FER: variants seen among roughly 807,000 people sequenced by gnomAD.
FER encodes tyrosine-protein kinase Fer.
A neutral mutation model predicts 111.0 loss-of-function variants in FER; 63 were observed. That is an observed-to-expected ratio of 0.57 (90% CI 0.46 to 0.70). The LOEUF (loss-of-function observed/expected upper bound fraction) is 0.70, where lower values mean the gene tolerates loss of function less well. FER is among the 30% of genes least tolerant of loss of function. FER has a pLI of 0.00. For synonymous variants in FER, 327 were observed against 313.9 expected, an observed-to-expected ratio of 1.04 and a Z score of -0.44; for missense variants, 914 against 954.0, an observed-to-expected ratio of 0.96 and a Z score of 0.55.
chr5:109,189,101 T>C lies in FER; in HGVS notation c.*1526T>C, dbSNP rs1274441206. On this transcript the variant is annotated 3_prime_UTR_variant, in exon 20 of 20. Transcript: ENST00000281092. ...GCTGACAGGTATGCAAGCAGAGTGC[T>C]GAAGATGTCTCATGTGAATAAAATG... The C allele has an allele frequency of 5.9e-5, 9 of 152,324 alleles. No individual in the cohort carries two copies. The highest frequency in any genetic ancestry group is 6.5e-5 in the Admixed American group (1 of 15,300). 9.4% of individuals were successfully genotyped at this position (152,324 alleles called of 1,614,324 possible).
chr5:108,919,698 T>C (rs1373986478), intron 10 of FER, among the ~76,000 whole-genome samples: 2 of 152,208 alleles, frequency 1.3e-5, no homozygotes, highest in African/African-American at 2.4e-5. Context: ...ATTAAGGAAC[T>C]TTATCAGAAT....
At chr5:108,911,083 C>T (rs1751483493) in intron 10 of FER, among the ~76,000 whole-genome samples, 1 of 152,106 alleles carries the variant, frequency 6.6e-6, no homozygotes, top group African/African-American at 2.4e-5. Flanking sequence ...TTTACATTCC[C>T]ACCAACAGTG....
intron 16 of FER, among the ~76,000 whole-genome samples, 169 bp downstream of exon 16, chr5:109,047,367 A>G (rs1271657584): frequency 1.3e-5 from 2 of 152,208 alleles, no homozygotes; most frequent in African/African-American, 4.8e-5. Context: ...ATAGGCTGTA[A>G]CACTTTACTA....
At chr5:109,075,625 G>A (rs1262259731) in intron 16 of FER, among the ~76,000 whole-genome samples, 5 of 151,618 alleles carry the variant, frequency 3.3e-5, no homozygotes, top group Non-Finnish European at 5.9e-5. Context: ...GGGTTTCACC[G>A]TGTTAGCCAG....
intron 10 of FER, among the ~76,000 whole-genome samples, chr5:108,911,139 T>C (rs537709319): frequency 6.6e-6 from 1 of 152,278 alleles, no homozygotes; most frequent in South Asian, 2.1e-4. Context: ...TCTGTTGTTT[T>C]TTGACTTTTT....
At chr5:108,861,088 A>G (rs1484070681) in intron 5 of FER, among the ~76,000 whole-genome samples, 3 of 152,220 alleles carry the variant, frequency 2.0e-5, no homozygotes, top group Non-Finnish European at 4.4e-5. Context: ...CATAGAGCCA[A>G]ACCATATTAA....
At chr5:109,183,761 T>C (rs954869007) in intron 18 of FER, among the ~76,000 whole-genome samples, 1 of 152,026 alleles carries the variant, frequency 6.6e-6, no homozygotes, top group Non-Finnish European at 1.5e-5. Flanking sequence ...CGAGACCCTG[T>C]CTCAAGAAAA....
At chr5:108,940,956 C>A (rs1313665141) in intron 10 of FER, among the ~76,000 whole-genome samples, 1 of 152,058 alleles carries the variant, frequency 6.6e-6, no homozygotes, top group African/African-American at 2.4e-5. Flanking sequence ...GGCAATGGCC[C>A]TTCAAAGACT....
chr5:109,185,795 C>T lies in FER; in HGVS notation c.2204-405C>T, dbSNP rs773003406. Reference sequence around the variant, plus strand: ...GGTAAGTTTAAATACAGTCATGTATCGCTTAATGACAGGGATACACTCTGA... The same window carrying T: ...GGTAAGTTTAAATACAGTCATGTATTGCTTAATGACAGGGATACACTCTGA... On this transcript the variant is annotated intron_variant, in intron 18 of 19. Transcript: ENST00000281092. Among the ~76,000 whole-genome samples, 6 of 152,316 alleles carry T rather than the reference C, an allele frequency of 3.9e-5. No homozygotes were observed. The East Asian group carries it at 7.7e-4, about 20-fold the overall frequency.
intron 18 of FER, among the ~76,000 whole-genome samples, chr5:109,181,603 G>C (rs77537772): frequency 0.024 from 3,600 of 152,164 alleles, 70 homozygotes; most frequent in East Asian, 0.075. Context: ...ATTGGTGAAT[G>C]GGTATGGTAT....
chr5:108,942,730 G>T (rs1211565296), intron 10 of FER, among the ~76,000 whole-genome samples: 1 of 152,080 alleles, frequency 6.6e-6, no homozygotes, highest in Non-Finnish European at 1.5e-5. Flanking sequence ...GATATTTACA[G>T]TATTTCATTT....
chr5:108,825,258 G>C lies in FER; in HGVS notation c.208-7512G>C, dbSNP rs541398355. Among the ~76,000 whole-genome samples the C allele has an allele frequency of 3.9e-5, 6 of 152,236 alleles. No individual in the cohort carries two copies. The South Asian group carries it at 1.2e-3, about 32-fold the overall frequency. ...AGCCTGGGAGCGCTATGGGAGACTG[G>C]AGTTTATTTCACCCCTGCAGTCTCA... On this transcript the variant is annotated intron_variant, in intron 3 of 19. Transcript: ENST00000281092.
chr5:108,820,923 C>G lies in FER; in HGVS notation c.208-11847C>G, dbSNP rs988779841. Among the ~76,000 whole-genome samples, 5 of 152,110 alleles carry G rather than the reference C, an allele frequency of 3.3e-5. No homozygotes were observed. The South Asian group carries it at 1.0e-3, about 32-fold the overall frequency. On this transcript the variant is annotated intron_variant, in intron 3 of 19. Transcript: ENST00000281092. ...GGCGAATCACTTGGGACCAGCCTGG[C>G]CAACATGGTGAAACCCTGTCTTTAC...
At chr5:108,765,433 T>G (rs1477820845) in intron 1 of FER, among the ~76,000 whole-genome samples, 4 of 152,196 alleles carry the variant, frequency 2.6e-5, no homozygotes, top group Non-Finnish European at 5.9e-5. Context: ...CTCTTTTCTT[T>G]TTTTTTGACA....
At chr5:109,090,963 A>G (rs1189162008) in intron 16 of FER, among the ~76,000 whole-genome samples, 3 of 152,212 alleles carry the variant, frequency 2.0e-5, no homozygotes, top group Non-Finnish European at 4.4e-5. Context: ...TTCTAGGAAA[A>G]TGTGAGAAGA....
chr5:108,870,832 ATGACAT>A (rs1468442883), intron 6 of FER, among the ~76,000 whole-genome samples: 4 of 152,118 alleles, frequency 2.6e-5, no homozygotes, highest in Admixed American at 1.3e-4. Flanking sequence ...AATAATTTTG[ATGACAT>A]TTTTGCTACT....
chr5:109,151,120 C>T (rs1166124771), intron 17 of FER, among the ~76,000 whole-genome samples: 2 of 152,060 alleles, frequency 1.3e-5, no homozygotes, highest in Non-Finnish European at 2.9e-5. Flanking sequence ...AATGATGCTT[C>T]CTGCCGTGCT....
chr5:109,015,205 C>T (rs1247489327), intron 13 of FER, among the ~76,000 whole-genome samples: 1 of 152,068 alleles, frequency 6.6e-6, no homozygotes, highest in Admixed American at 6.6e-5. Flanking sequence ...CATGTGCTAG[C>T]CCCTTTGCAG....
intron 3 of FER, among the ~76,000 whole-genome samples, chr5:108,808,995 AC>A (rs541164280): frequency 4.3e-4 from 65 of 152,170 alleles, no homozygotes; most frequent in African/African-American, 1.5e-3. Context: ...ATGTGATCTG[AC>A]CTTTTTCTCA....
Sources: allele counts gnomAD v4.1 joint callset (sites outside exome capture counted in the v4.1 genomes callset), GRCh38; gene constraint gnomAD v4.1.1; transcripts MANE v1.5; gene names NCBI Gene and HGNC (gene_info 2026-07-23, HGNC 2026-07-21).